The following HGD variants were observed in gnomAD, a reference collection of about 807,000 sequenced individuals.
The protein encoded by HGD is homogentisate oxidase.
HGD carries 61 observed loss-of-function variants against 60.8 expected under a neutral mutation model. The ratio of observed to expected loss-of-function variants is 1.00; its 90% CI spans 0.82 to 1.24. HGD has a LOEUF of 1.24. HGD is among the 50% of genes most tolerant of loss of function. The pLI is 0.00. For missense variants in HGD, 542 were observed against 547.1 expected (o/e 0.99, Z 0.09); for synonymous variants, 212 against 187.7 (o/e 1.13, Z -1.06).
chr3:120,672,365 G>T (rs1483678789), intron 3 of HGD, among the ~76,000 whole-genome samples: 4 of 152,114 alleles, frequency 2.6e-5, no homozygotes, highest in African/African-American at 4.8e-5. Flanking sequence ...AAGCTGGAAG[G>T]GACATTGAAG....
chr3:120,663,181 A>G (rs944840527), intron 4 of HGD, among the ~76,000 whole-genome samples: 2 of 152,098 alleles, frequency 1.3e-5, no homozygotes, highest in African/African-American at 4.8e-5. Context: ...GGGTGAAGAG[A>G]AGGAGAAGAA....
At chr3:120,662,032 G>C (rs1166157070) in intron 4 of HGD, among the ~76,000 whole-genome samples, 1 of 152,166 alleles carries the variant, frequency 6.6e-6, no homozygotes, top group East Asian at 1.9e-4. Context: ...AGATTTAGAT[G>C]GGTGAGTATT....
chr3:120,632,168 C>T (rs1287175845), intron 13 of HGD, among the ~76,000 whole-genome samples: 1 of 152,118 alleles, frequency 6.6e-6, no homozygotes, highest in Non-Finnish European at 1.5e-5. Flanking sequence ...AAAGGAGCTC[C>T]ACCAACTCTG....
intron 11 of HGD, among the ~76,000 whole-genome samples, chr3:120,641,325 C>G (rs1013702459): frequency 1.3e-5 from 2 of 152,156 alleles, no homozygotes; most frequent in African/African-American, 2.4e-5. Context: ...AAGTGTTTAT[C>G]CACTTAGTTT....
intron 4 of HGD, among the ~76,000 whole-genome samples, chr3:120,666,634 C>G (rs538189138): frequency 6.6e-6 from 1 of 152,060 alleles, no homozygotes; most frequent in Non-Finnish European, 1.5e-5. Context: ...AGGCATGCAC[C>G]ACCACACCTG....
chr3:120,647,029 T>A lies in HGD; in HGVS notation c.493A>T (p.Ile165Phe). The A allele has an allele frequency of 6.2e-7, 1 of 1,613,984 alleles. No individual in the cohort carries two copies. Among genetic ancestry groups the A allele is most frequent in the East Asian group, 2.2e-5 (1 of 44,874 alleles). Residue 165 changes from isoleucine to phenylalanine, a missense_variant, in exon 8 of 14, where the codon ATT becomes TTT. Ile to Phe is a conservative substitution (Grantham distance 21). This residue lies in a region of HGD where 537 missense variants were observed against 529.1 expected (regional missense o/e 1.01). Transcript: ENST00000283871. ...AGCATCTTGCCAAACTCGGTGTAAA[T>A]GAGAAGGTTCCCTTTCTGCGGAACT... ...LIVPQKGNLL[I>F]YTEFGKMLVQ... is the part of the protein sequence containing the mutation.
chr3:120,647,111 G>T (rs1941190767), intron 7 of HGD, 59 bp from the exon 8 acceptor site: 1 of 1,297,568 alleles, frequency 7.7e-7, no homozygotes, highest in South Asian at 1.2e-5. Context: ...ACCATTTCAT[G>T]AACAGGAAAG....
intron 13 of HGD, 69 bp downstream of exon 13, chr3:120,633,078 A>G: frequency 7.0e-7 from 1 of 1,437,028 alleles, no homozygotes; most frequent in South Asian, 1.2e-5. Context: ...AGAAATGAAA[A>G]ACGGCCACCC....
At chr3:120,676,415 T>C (rs1708131829) in intron 1 of HGD, among the ~76,000 whole-genome samples, 1 of 151,216 alleles carries the variant, frequency 6.6e-6, no homozygotes, top group Non-Finnish European at 1.5e-5. Context: ...CCTACTCTGA[T>C]TGCCATCTCT....
In HGD at chr3:120,650,491, G is replaced by A. The variant is rs137878895; in HGVS notation, c.434+283C>T. 6.3e-3 allele frequency among the ~76,000 whole-genome samples: 958 copies of A among 152,266 alleles called. 6 individuals carry two copies. Among genetic ancestry groups the A allele is most frequent in the African/African-American group, 0.021 (874 of 41,552 alleles). On this transcript the variant is annotated intron_variant, in intron 6 of 13. Coordinates refer to ENST00000283871, the MANE Select transcript of HGD (RefSeq NM_000187.4). ...CAGACTTAAAGTCAAAATGCCTTTC[G>A]ATCTACTCCTGCATTCCAGGGCTCC...
chr3:120,653,495 T>C (rs149919447), intron 4 of HGD, among the ~76,000 whole-genome samples: 1 of 152,214 alleles, frequency 6.6e-6, no homozygotes, highest in East Asian at 1.9e-4. Flanking sequence ...CATCAGGTCA[T>C]AGGGCTCAGC....
At chr3:120,668,699 A>C (rs184737474) in intron 4 of HGD, among the ~76,000 whole-genome samples, 4 of 152,356 alleles carry the variant, frequency 2.6e-5, no homozygotes, top group Admixed American at 2.6e-4. Context: ...CATTGTATGA[A>C]GCAGGTTCAC....
chr3:120,634,830 G>T (rs1485504342), intron 12 of HGD, among the ~76,000 whole-genome samples: 1 of 152,168 alleles, frequency 6.6e-6, no homozygotes, highest in South Asian at 2.1e-4. Flanking sequence ...GCTACTGCAG[G>T]CCCCTACAAA....
At chr3:120,635,497 A>C (rs972515598) in intron 12 of HGD, among the ~76,000 whole-genome samples, 12 of 151,662 alleles carry the variant, frequency 7.9e-5, no homozygotes, top group African/African-American at 2.9e-4. Context: ...AAAAAAAAAA[A>C]AAGCTGAATC....
chr3:120,649,287 C>T lies in HGD; in HGVS notation c.435-1376G>A, dbSNP rs188079889. Among the ~76,000 whole-genome samples the T allele has an allele frequency of 2.1e-3, 311 of 151,658 alleles. 2 individuals are homozygous for T. The highest frequency in any genetic ancestry group is 1.8e-3 in the Non-Finnish European group (121 of 67,908). On this transcript the variant is annotated intron_variant, in intron 6 of 13. Coordinates refer to ENST00000283871, the MANE Select transcript of HGD (RefSeq NM_000187.4). ...CCTCCTGAGTAGCTGGGATTACAGGCGCCCACCACCACGCCCGGCTAATTT... is the reference window on the plus strand; with the variant it reads ...CCTCCTGAGTAGCTGGGATTACAGGTGCCCACCACCACGCCCGGCTAATTT...
chr3:120,644,116 G>T (rs804967), intron 10 of HGD, among the ~76,000 whole-genome samples: 48,978 of 152,032 alleles, frequency 0.32, 9,627 homozygotes, highest in African/African-American at 0.56. Flanking sequence ...CTGTGAAATT[G>T]GTAAATTATT....
Position 120,682,217 on chromosome 3 carries a change from C to T in HGD, c.-106G>A. The T allele has an allele frequency of 8.9e-7, 1 of 1,123,838 alleles. No individual in the cohort carries two copies. Among genetic ancestry groups the T allele is most frequent in the Non-Finnish European group, 1.4e-6 (1 of 735,188 alleles). The allele number at this position is 1,123,838 out of a possible 1,614,324, so 69.6% of individuals were successfully genotyped here. On this transcript the variant is annotated 5_prime_UTR_variant, in exon 1 of 14. Coordinates refer to ENST00000283871, the MANE Select transcript of HGD (RefSeq NM_000187.4). The stretch of plus-strand genomic sequence containing the variant: ...AACCACTCTTTGGATATTCCGGTTC[C>T]CACTGCTTCACTGCGCTTCACTGGT...
chr3:120,676,247 C>T (rs1559802914), intron 1 of HGD, among the ~76,000 whole-genome samples: 2 of 152,302 alleles, frequency 1.3e-5, no homozygotes, highest in East Asian at 3.9e-4. Context: ...GCAAAACCCT[C>T]TCCAAACTAG....
intron 1 of HGD, among the ~76,000 whole-genome samples, chr3:120,681,774 G>C (rs1206327391): frequency 6.6e-6 from 1 of 152,186 alleles, no homozygotes; most frequent in East Asian, 1.9e-4. Flanking sequence ...GTCAGAGCAG[G>C]GGTTGGGAAA....
Sources: allele counts gnomAD v4.1 joint callset (sites outside exome capture counted in the v4.1 genomes callset), GRCh38; gene constraint gnomAD v4.1.1; regional missense constraint gnomAD v4.1.1; transcripts MANE v1.5; gene names NCBI Gene and HGNC (gene_info 2026-07-23, HGNC 2026-07-21).